NR3C2: variants seen among roughly 807,000 people sequenced by gnomAD.
NR3C2 encodes the protein mineralocorticoid receptor.
A neutral mutation model predicts 86.4 loss-of-function variants in NR3C2; 15 were observed. That is an observed-to-expected ratio of 0.17 (90% CI 0.12 to 0.27). The LOEUF (loss-of-function observed/expected upper bound fraction) is 0.27, where lower values mean the gene tolerates loss of function less well. Ranked by LOEUF, NR3C2 falls within the 10% of genes least tolerant of loss-of-function variation. The pLI is 1.00. For missense variants in NR3C2, 960 were observed against 1,195.6 expected (o/e 0.80, Z 2.91); for synonymous variants, 458 against 450.5 (o/e 1.02, Z -0.21).
chr4:148,275,981 G>C (rs1740941321), intron 2 of NR3C2, among the ~76,000 whole-genome samples: 1 of 151,974 alleles, frequency 6.6e-6, no homozygotes, highest in Non-Finnish European at 1.5e-5. Context: ...ATAAAGATGG[G>C]ATGATCTGGG....
intron 4 of NR3C2, among the ~76,000 whole-genome samples, chr4:148,192,810 G>A (rs993028853): frequency 6.6e-6 from 1 of 151,966 alleles, no homozygotes; most frequent in Non-Finnish European, 1.5e-5. Flanking sequence ...AAACTAAAGG[G>A]CTGGTTTCAC....
chr4:148,383,129 T>C (rs1747084338), intron 2 of NR3C2, among the ~76,000 whole-genome samples: 2 of 152,194 alleles, frequency 1.3e-5, no homozygotes, highest in South Asian at 4.1e-4. Context: ...ATATCTTAAT[T>C]TGTGACATGT....
intron 2 of NR3C2, among the ~76,000 whole-genome samples, chr4:148,354,974 A>T (rs1416007837): frequency 2.7e-5 from 4 of 150,358 alleles, no homozygotes; most frequent in South Asian, 2.1e-4. Flanking sequence ...TATGCTATTT[A>T]AAAAAAATAA....
intron 1 of NR3C2, among the ~76,000 whole-genome samples, chr4:148,439,328 CAA>C (rs1750221854): frequency 6.6e-6 from 1 of 152,202 alleles, no homozygotes; most frequent in Non-Finnish European, 1.5e-5. Context: ...TTAAACAACA[CAA>C]TAAATATGTC....
intron 2 of NR3C2, among the ~76,000 whole-genome samples, chr4:148,409,902 ACACAT>A (rs1748611262): frequency 6.6e-6 from 1 of 152,092 alleles, no homozygotes; most frequent in African/African-American, 2.4e-5. Context: ...AAATTCCCCT[ACACAT>A]AATTGAAAAT....
intron 3 of NR3C2, among the ~76,000 whole-genome samples, chr4:148,229,431 G>A (rs1396099742): frequency 6.6e-6 from 1 of 152,048 alleles, no homozygotes; most frequent in Non-Finnish European, 1.5e-5. Context: ...ATCAGAACCT[G>A]GATTTTAGCT....
chr4:148,423,686 T>TA (rs1421619995), intron 2 of NR3C2, among the ~76,000 whole-genome samples: 1 of 152,224 alleles, frequency 6.6e-6, no homozygotes, highest in Non-Finnish European at 1.5e-5. Flanking sequence ...GAGTGGGGAC[T>TA]AAATAATTTG....
intron 2 of NR3C2, among the ~76,000 whole-genome samples, chr4:148,414,271 T>C (rs909861731): frequency 2.6e-5 from 4 of 152,124 alleles, no homozygotes; most frequent in Non-Finnish European, 5.9e-5. Context: ...CATTCTTGAC[T>C]TGGACTGCTT....
At chr4:148,395,767 G>C (rs1747828142) in intron 2 of NR3C2, among the ~76,000 whole-genome samples, 1 of 152,182 alleles carries the variant, frequency 6.6e-6, no homozygotes, top group Non-Finnish European at 1.5e-5. Flanking sequence ...AGCAGTAACA[G>C]CAGTCTGGTG....
chr4:148,243,049 G>A (rs556217440), intron 3 of NR3C2, among the ~76,000 whole-genome samples: 2 of 143,194 alleles, frequency 1.4e-5, no homozygotes, highest in East Asian at 4.0e-4. Context: ...TTAATTTTTA[G>A]AGACAAAGTC....
At chr4:148,157,844 TA>T (rs1191900267) in intron 4 of NR3C2, among the ~76,000 whole-genome samples, 5 of 152,344 alleles carry the variant, frequency 3.3e-5, no homozygotes, top group South Asian at 2.1e-4. Context: ...AATTTGTGTT[TA>T]TAATTATAGC....
At chr4:148,317,117 A>G (rs1195740155) in intron 2 of NR3C2, among the ~76,000 whole-genome samples, 1 of 152,306 alleles carries the variant, frequency 6.6e-6, no homozygotes, top group East Asian at 1.9e-4. Flanking sequence ...TTAATGGAAA[A>G]TCACAGTTTC....
chr4:148,098,309 G>A (rs1731382967), intron 8 of NR3C2, among the ~76,000 whole-genome samples: 1 of 152,038 alleles, frequency 6.6e-6, no homozygotes, highest in African/African-American at 2.4e-5. Context: ...TGAACTCATG[G>A]CCAATAGCAC....
Position 148,421,584 on chromosome 4 carries a change from A to G in NR3C2, c.1757+13520T>C, listed in dbSNP as rs139986457. On this transcript the variant is annotated intron_variant, in intron 2 of 8. Transcript: ENST00000358102. ...GCCTGGAAATAACTCAGCTTGGTTA[A>G]TATCAGTGACATTTCTGGAGGATAC... Among the ~76,000 whole-genome samples, 125 of 152,290 alleles carry G rather than the reference A, an allele frequency of 8.2e-4. 1 individual carries two copies. The highest frequency in any genetic ancestry group is 2.8e-3 in the African/African-American group (116 of 41,554).
rs115435914 is a variant in NR3C2 at position 148,099,487 on chromosome 4, C to A, written c.2799+14617G>T. On this transcript the variant is annotated intron_variant, in intron 8 of 8. Transcript: ENST00000358102. ...GCATTTAATCACCCCATCTTAATTC[C>A]TTTCTCTATAAAAAGGATAAAAATA... 9.4e-3 allele frequency among the ~76,000 whole-genome samples: 1,435 copies of A among 152,260 alleles called. 25 individuals are homozygous for A. Among genetic ancestry groups the A allele is most frequent in the African/African-American group, 0.032 (1,346 of 41,540 alleles).
intron 3 of NR3C2, among the ~76,000 whole-genome samples, chr4:148,238,385 T>C (rs1738848368): frequency 6.6e-6 from 1 of 152,108 alleles, no homozygotes. Context: ...AAAAAAGTCA[T>C]TTTGCCAGAC....
chr4:148,083,449 G>T (rs1730671115), intron 8 of NR3C2, among the ~76,000 whole-genome samples: 1 of 152,184 alleles, frequency 6.6e-6, no homozygotes, highest in Non-Finnish European at 1.5e-5. Flanking sequence ...CAGCAGAGGG[G>T]CCTGACTGGT....
intron 2 of NR3C2, among the ~76,000 whole-genome samples, chr4:148,326,991 T>C (rs756290789): frequency 7.9e-5 from 12 of 152,224 alleles, no homozygotes; most frequent in Non-Finnish European, 1.6e-4. Flanking sequence ...AAAATTCTTC[T>C]TTATGGATAT....
At chr4:148,329,691 G>C (rs1744139520) in intron 2 of NR3C2, among the ~76,000 whole-genome samples, 1 of 152,190 alleles carries the variant, frequency 6.6e-6, no homozygotes, top group Non-Finnish European at 1.5e-5. Context: ...TAAGTTATTA[G>C]GACTTTCTAC....
Sources: allele counts gnomAD v4.1 joint callset (sites outside exome capture counted in the v4.1 genomes callset), GRCh38; gene constraint gnomAD v4.1.1; transcripts MANE v1.5; gene names NCBI Gene and HGNC (gene_info 2026-07-23, HGNC 2026-07-21).